GSTZ1: variants seen among roughly 807,000 people sequenced by gnomAD.
The protein encoded by GSTZ1 is glutathione S-transferase zeta 1.
A neutral mutation model predicts 35.9 loss-of-function variants in GSTZ1; 34 were observed. The ratio of observed to expected loss-of-function variants is 0.95; its 90% CI spans 0.72 to 1.26. GSTZ1 has a LOEUF of 1.26. GSTZ1 is among the 50% of genes most tolerant of loss of function. GSTZ1 has a pLI of 0.00. For missense variants in GSTZ1, 263 were observed against 271.7 expected (o/e 0.97, Z 0.23); for synonymous variants, 93 against 101.2 (o/e 0.92, Z 0.49).
intron 1 of GSTZ1, chr14:77,323,691 C>A (rs1892148140): frequency 6.6e-6 from 1 of 152,224 alleles, no homozygotes; most frequent in Admixed American, 6.5e-5. Context: ...TTTTAAACTA[C>A]TGTGTTGAGC....
At chr14:77,327,358 C>T (rs1055733090) in intron 3 of GSTZ1, 114 bp from the exon 4 acceptor site, 1 of 709,256 alleles carries the variant, frequency 1.4e-6, no homozygotes, top group Non-Finnish European at 2.6e-6. Flanking sequence ...TTAGGGCCTT[C>T]CCAGGGAAGG....
At chr14:77,330,012 G>T in intron 7 of GSTZ1, 1 of 646,308 alleles carries the variant, frequency 1.5e-6, no homozygotes, top group South Asian at 1.7e-5. Context: ...AGGCGGGCCA[G>T]CATCAGTTGA....
Position 77,329,190 on chromosome 14 carries a change from G to A in GSTZ1, c.410G>A (p.Cys137Tyr), listed in dbSNP as rs780287277. 32 of 1,608,334 alleles carry A rather than the reference G, an allele frequency of 2.0e-5. No individual in the cohort carries two copies. The highest frequency in any genetic ancestry group is 2.3e-5 in the Non-Finnish European group (27 of 1,174,724). Residue 137 changes from cysteine (C) to tyrosine (Y), a missense_variant, in exon 6 of 9, where the codon TGT (cysteine) becomes TAT (tyrosine). Coordinates refer to ENST00000216465, the MANE Select transcript of GSTZ1 (RefSeq NM_145870.3). ...QLTWAQNAIT[C>Y]GFNALEQILQ... is the part of the protein sequence containing the mutation. ...ACCTGGGCCCAGAACGCCATCACTT[G>A]TGGCTTTAACGGTGAGTCCTCACCT...
In GSTZ1 at chr14:77,330,354, T is replaced by C. The variant is rs766616152; in HGVS notation, c.519T>C (p.Ala173=). 1 of 1,612,992 alleles carries C rather than the reference T, an allele frequency of 6.2e-7. No individual in the cohort carries two copies. Among genetic ancestry groups the C allele is most frequent in the Admixed American group, 1.7e-5 (1 of 60,012 alleles). The stretch of plus-strand genomic sequence containing the variant: ...GCTTGGTGCCTCAGGTGGCAAATGC[T>C]GAAAGGTAAGAGAGAGCCCCGCCAC... ...DLCLVPQVAN[A]ERFKVDLTPY... Residue 173 remains alanine, a synonymous_variant, in exon 8 of 9, where the codon GCT becomes GCC. Coordinates refer to ENST00000216465, the MANE Select transcript of GSTZ1 (RefSeq NM_145870.3).
chr14:77,330,764 G>A (rs567610981), intron 8 of GSTZ1, among the ~76,000 whole-genome samples: 59 of 152,306 alleles, frequency 3.9e-4, no homozygotes, highest in Non-Finnish European at 7.1e-4. Flanking sequence ...ATATGGAAAC[G>A]TATGGCACAT....
chr14:77,323,026 C>G (rs1411377230), intron 1 of GSTZ1: 1 of 152,200 alleles, frequency 6.6e-6, no homozygotes, highest in Non-Finnish European at 1.5e-5. Context: ...TAATCACTGG[C>G]GAGTCTTTCC....
intron 7 of GSTZ1, 146 bp downstream of exon 7, chr14:77,329,953 C>T (rs535923273): frequency 1.0e-5 from 7 of 690,058 alleles, no homozygotes; most frequent in South Asian, 6.6e-5. Context: ...CCCACTAAAC[C>T]GTCTTAAGAG....
In GSTZ1 at chr14:77,326,646, A is replaced by G. The variant is rs1300059448; in HGVS notation, c.68-192A>G. On this transcript the variant is annotated intron_variant, in intron 2 of 8. Coordinates refer to ENST00000216465, the MANE Select transcript of GSTZ1 (RefSeq NM_145870.3). ...GGGTGAGTGAGGCAGAGCATCGTGC[A>G]TCTGGGGTAGGGAGCACGTGGTGAC... is the stretch of plus-strand genomic sequence containing the variant. 3 of 564,232 alleles carry G rather than the reference A, an allele frequency of 5.3e-6. No individual in the cohort carries two copies. In the African/African-American group the frequency reaches 5.6e-5, roughly 11 times the overall value. The allele number at this position is 564,232 out of a possible 1,614,324, so 35.0% of individuals were successfully genotyped here. A position where few individuals can be genotyped will look rare whatever the true frequency, so the allele number is the denominator to read the frequency against.
At position 77,329,755 on chromosome 14, in the gene GSTZ1, C is replaced by T. The variant is rs1203085907; in HGVS notation, c.422C>T (p.Ala141Val). ...AQNAITCGFN[A>V]LEQILQSTAG... ...AGATGTTTATGTGGCCTCCCCACAGCCCTGGAGCAGATCCTACAGAGCACA... is the reference window on the plus strand; with the variant it reads ...AGATGTTTATGTGGCCTCCCCACAGTCCTGGAGCAGATCCTACAGAGCACA... The change falls in exon 7 of 9, where the codon GCC becomes GTC. Residue 141 changes from alanine (A) to valine (V), a missense_variant and splice_region_variant. Physicochemically the swap from Ala to Val is moderately conservative, Grantham distance 64. Coordinates refer to ENST00000216465, the MANE Select transcript of GSTZ1 (RefSeq NM_145870.3). 6.2e-7 allele frequency: 1 copy of T among 1,612,978 alleles called. No individual in the cohort carries two copies. The highest frequency in any genetic ancestry group is 8.5e-7 in the Non-Finnish European group (1 of 1,178,904).
intron 1 of GSTZ1, chr14:77,322,703 C>G (rs772194695): frequency 1.0e-6 from 1 of 985,300 alleles, no homozygotes; most frequent in Non-Finnish European, 1.2e-6. Context: ...GCTTTCTGTG[C>G]CAGGACCATC....
At chr14:77,329,694 C>T in intron 6 of GSTZ1, 61 bp from the exon 7 acceptor site, 1 of 1,337,822 alleles carries the variant, frequency 7.5e-7, no homozygotes, top group East Asian at 2.3e-5. Context: ...GGCCAAGGCC[C>T]AGAAAGCTTT....
chr14:77,331,063 C>A lies in GSTZ1; in HGVS notation c.525-6C>A. On this transcript the variant is annotated splice_region_variant and splice_polypyrimidine_tract_variant and intron_variant, in intron 8 of 8. Transcript: ENST00000216465. ...CCTTAGCTTAGCAGGTGTTTCTCTA[C>A]TACAGATTCAAGGTGGATCTCACCC... 1 of 1,613,444 alleles carries A rather than the reference C, an allele frequency of 6.2e-7. No homozygotes were observed. The highest frequency in any genetic ancestry group is 8.5e-7 in the Non-Finnish European group (1 of 1,179,532).
rs923341175 is a variant in GSTZ1, at chr14:77,331,443, G to T, written c.*248G>T. 1 of 439,214 alleles carries T rather than the reference G, an allele frequency of 2.3e-6. No homozygotes were observed. Among genetic ancestry groups the T allele is most frequent in the African/African-American group, 1.9e-5 (1 of 51,514 alleles). 27.2% of individuals were successfully genotyped at this position (439,214 alleles called of 1,614,324 possible). On this transcript the variant is annotated 3_prime_UTR_variant, in exon 9 of 9. Transcript: ENST00000216465. Reference sequence around the variant, plus strand: ...ATCTATGTGACGGGGCAGTCGTGAGGCTGAGATGAGAATGCGGATTAAAAT... The same window carrying T: ...ATCTATGTGACGGGGCAGTCGTGAGTCTGAGATGAGAATGCGGATTAAAAT...
At chr14:77,328,973 T>C in intron 5 of GSTZ1, 150 bp from the exon 6 acceptor site, 1 of 672,130 alleles carries the variant, frequency 1.5e-6, no homozygotes, top group Non-Finnish European at 2.7e-6. Flanking sequence ...GGGCCCTTGG[T>C]TGAAGGAAGG....
Position 77,331,212 on chromosome 14 carries a change from C to T in GSTZ1, c.*17C>T, listed in dbSNP as rs753675811. On this transcript the variant is annotated 3_prime_UTR_variant, in exon 9 of 9. Coordinates refer to ENST00000216465, the MANE Select transcript of GSTZ1 (RefSeq NM_145870.3). Reference sequence around the variant, plus strand: ...AGGGCCTAGCTCCCAAATCCTGCCCCGTTGGCACAGGGCCACAGGAGCAGA... The same window carrying T: ...AGGGCCTAGCTCCCAAATCCTGCCCTGTTGGCACAGGGCCACAGGAGCAGA... 8 of 1,607,850 alleles carry T rather than the reference C, an allele frequency of 5.0e-6. No homozygotes were observed. The highest frequency in any genetic ancestry group is 2.2e-5 in the South Asian group (2 of 90,626).
chr14:77,330,609 T>C (rs1389318288), intron 8 of GSTZ1, among the ~76,000 whole-genome samples: 1 of 152,166 alleles, frequency 6.6e-6, no homozygotes, highest in Admixed American at 6.5e-5. Flanking sequence ...GCTCACCTGG[T>C]GGACCCCCAA....
rs1566677059 is a variant in GSTZ1, at chr14:77,331,148, T to C, written c.604T>C (p.Ser202Pro). Residue 202 changes from serine (S) to proline (P), a missense_variant, in exon 9 of 9, where the codon TCT becomes CCT. Ser to Pro is a moderately conservative substitution (Grantham distance 74). Coordinates refer to ENST00000216465, the MANE Select transcript of GSTZ1 (RefSeq NM_145870.3). Reference protein sequence around the residue: ...RLLVLEAFQVSHPCRQPDTPT... With the variant: ...RLLVLEAFQVPHPCRQPDTPT... ...GCTGGTCTTGGAGGCCTTCCAGGTG[T>C]CTCACCCCTGCCGGCAGCCAGATAC... The C allele has an allele frequency of 6.2e-7, 1 of 1,614,074 alleles. No homozygotes were observed. The highest frequency in any genetic ancestry group is 8.5e-7 in the Non-Finnish European group (1 of 1,179,988).
rs749875482 is a variant in GSTZ1 at position 77,331,352 on chromosome 14, C to A, written c.*157C>A. On this transcript the variant is annotated 3_prime_UTR_variant, in exon 9 of 9. Transcript: ENST00000216465. Reference sequence around the variant, plus strand: ...GAAACTTGTTCCACCTCAGTCCCCTCATCTGTCACACGCATGTGGGGTGGA... The same window carrying A: ...GAAACTTGTTCCACCTCAGTCCCCTAATCTGTCACACGCATGTGGGGTGGA... 77 of 795,380 alleles carry A rather than the reference C, an allele frequency of 9.7e-5. No individual in the cohort carries two copies. The East Asian group carries it at 1.2e-3, about 12-fold the overall frequency. 49.3% of individuals were successfully genotyped at this position (795,380 alleles called of 1,614,324 possible).
intron 5 of GSTZ1, 48 bp downstream of exon 5, chr14:77,328,085 C>A (rs919768738): frequency 6.2e-6 from 10 of 1,604,226 alleles, no homozygotes; most frequent in Non-Finnish European, 7.7e-6. Context: ...CACACTCTTA[C>A]ACTCACACAT....
Sources: gnomAD v4.1 joint callset for allele counts (sites outside exome capture counted in the v4.1 genomes callset) on GRCh38, gnomAD v4.1.1 for gene constraint, MANE v1.5 for transcripts, NCBI Gene and HGNC (gene_info 2026-07-23, HGNC 2026-07-21) for gene names.